The following TMOD1 variants were observed in gnomAD, a reference collection of about 807,000 sequenced individuals.
The protein encoded by TMOD1 is tropomodulin 1.
TMOD1 carries 17 observed loss-of-function variants against 40.6 expected under a neutral mutation model. That is an observed-to-expected ratio of 0.42 (90% CI 0.29 to 0.63). TMOD1 has a LOEUF of 0.63. Among genes scored for constraint, TMOD1 ranks in the 20% least tolerant of loss-of-function variants. The pLI is 0.22. For synonymous variants in TMOD1, 181 were observed against 175.0 expected, an observed-to-expected ratio of 1.03 and a Z score of -0.27; for missense variants, 391 against 447.6, an observed-to-expected ratio of 0.87 and a Z score of 1.14.
chr9:97,596,917 A>G (rs1481559769), intron 9 of TMOD1, among the ~76,000 whole-genome samples: 2 of 152,330 alleles, frequency 1.3e-5, no homozygotes, highest in African/African-American at 2.4e-5. Context: ...CTAATACTTC[A>G]TATTTCTCAA....
chr9:97,574,611 T>G (rs1830891269), intron 8 of TMOD1, among the ~76,000 whole-genome samples: 2 of 152,264 alleles, frequency 1.3e-5, no homozygotes, highest in Non-Finnish European at 2.9e-5. Context: ...CGGTGCAGGA[T>G]CCACTGGGTG....
intron 8 of TMOD1, among the ~76,000 whole-genome samples, chr9:97,575,958 A>G (rs1194830869): frequency 2.0e-5 from 3 of 152,186 alleles, no homozygotes; most frequent in Non-Finnish European, 4.4e-5. Flanking sequence ...CTTTCAACCT[A>G]GCAGTTTTGA....
At chr9:97,575,073 A>C (rs1035649546) in intron 8 of TMOD1, among the ~76,000 whole-genome samples, 1 of 152,216 alleles carries the variant, frequency 6.6e-6, no homozygotes, top group East Asian at 1.9e-4. Flanking sequence ...CGCACTGTGG[A>C]AACTTTGTTC....
intron 2 of TMOD1, among the ~76,000 whole-genome samples, chr9:97,541,524 A>ATTTT (rs112157641): frequency 5.8e-5 from 8 of 138,730 alleles, no homozygotes; most frequent in Non-Finnish European, 1.1e-4. Context: ...TTTATTTTTT[A>ATTTT]TTTTTTTTTT....
At chr9:97,519,354 G>A (rs1157545666) in intron 1 of TMOD1, among the ~76,000 whole-genome samples, 1 of 152,192 alleles carries the variant, frequency 6.6e-6, no homozygotes, top group Non-Finnish European at 1.5e-5. Flanking sequence ...TAAGGCTTCT[G>A]CCACAGAGAA....
chr9:97,524,331 C>T (rs1295166177), intron 2 of TMOD1, 23 bp downstream of exon 2: 1 of 1,610,206 alleles, frequency 6.2e-7, no homozygotes, highest in Admixed American at 1.7e-5. Flanking sequence ...TAAAGGGAAG[C>T]ACATTGTCAC....
At chr9:97,558,372 C>G (rs1830565094) in intron 4 of TMOD1, among the ~76,000 whole-genome samples, 1 of 152,156 alleles carries the variant, frequency 6.6e-6, no homozygotes, top group Non-Finnish European at 1.5e-5. Flanking sequence ...CGAACCATTT[C>G]CCTCTTGAGC....
intron 8 of TMOD1, among the ~76,000 whole-genome samples, chr9:97,581,167 C>G (rs1334895137): frequency 7.8e-6 from 1 of 127,766 alleles, no homozygotes; most frequent in Non-Finnish European, 1.6e-5. Flanking sequence ...ACAACAGTCC[C>G]CAGAGTGTGA....
In TMOD1 at chr9:97,601,642, T is replaced by C. The variant is rs1249033015; in HGVS notation, c.*1944T>C. 2.1e-6 allele frequency: 2 copies of C among 938,004 alleles called. No individual in the cohort carries two copies. The highest frequency in any genetic ancestry group is 1.8e-5 in the African/African-American group (1 of 56,286). The allele number at this position is 938,004 out of a possible 1,614,324, so 58.1% of individuals were successfully genotyped here. On this transcript the variant is annotated 3_prime_UTR_variant, in exon 10 of 10. Coordinates refer to ENST00000259365, the MANE Select transcript of TMOD1 (RefSeq NM_003275.4). ...GCCAGACAGTAAAAATTTCCGATTTTGCAGGCCACATAGTGTCTGTTGCAA... is the reference window on the plus strand; with the variant it reads ...GCCAGACAGTAAAAATTTCCGATTTCGCAGGCCACATAGTGTCTGTTGCAA...
At position 97,557,916 on chromosome 9, in the gene TMOD1, C is replaced by T. The variant is rs1338677596; in HGVS notation, c.397+4516C>T. Among the ~76,000 whole-genome samples the T allele has an allele frequency of 6.6e-6, 1 of 151,908 alleles. No individual in the cohort carries two copies. The highest frequency in any genetic ancestry group is 1.5e-5 in the Non-Finnish European group (1 of 68,018). ...TTCCCCAGTGCTAAATTCAGCCTTG[C>T]CAATATCTACAAAGAATGAAGCAAC... On this transcript the variant is annotated intron_variant, in intron 4 of 9. Coordinates refer to ENST00000259365, the MANE Select transcript of TMOD1 (RefSeq NM_003275.4). This position sits in a 1 kb window ranked among gnomAD's most constrained non-coding sequence, Gnocchi z 4.4.
Position 97,588,135 on chromosome 9 carries a change from A to G in TMOD1, c.871-3156A>G, listed in dbSNP as rs192000193. On this transcript the variant is annotated intron_variant, in intron 8 of 9. Coordinates refer to ENST00000259365, the MANE Select transcript of TMOD1 (RefSeq NM_003275.4). ...CCCAAGAGTGGAATTGCTGGGTCAT[A>G]TGGTAGCTCTATGTTTAACTTTTTC... Among the ~76,000 whole-genome samples, 232 of 152,340 alleles carry G rather than the reference A, an allele frequency of 1.5e-3. 3 individuals are homozygous for G. Among genetic ancestry groups the G allele is most frequent in the African/African-American group, 5.1e-3 (211 of 41,558 alleles).
intron 2 of TMOD1, among the ~76,000 whole-genome samples, chr9:97,534,153 C>A (rs951570483): frequency 5.3e-5 from 8 of 152,196 alleles, no homozygotes; most frequent in Non-Finnish European, 1.2e-4. Context: ...ATGACTCAAC[C>A]TAGCTGCAAG....
chr9:97,562,709 G>A lies in TMOD1; in HGVS notation c.398-23G>A, dbSNP rs778263918. The A allele has an allele frequency of 3.3e-6, 5 of 1,510,060 alleles. No individual in the cohort carries two copies. In the East Asian group the frequency reaches 1.3e-4, roughly 40 times the overall value. 93.5% of individuals were successfully genotyped at this position (1,510,060 alleles called of 1,614,324 possible). On this transcript the variant is annotated intron_variant, in intron 4 of 9. Coordinates refer to ENST00000259365, the MANE Select transcript of TMOD1 (RefSeq NM_003275.4). ...TCTTCTGTCTGCAGAGGCACATCAT[G>A]AGCCCTTCCCTTGTCCCTGCAGCGA...
chr9:97,570,602 A>G (rs1225991312), intron 8 of TMOD1, among the ~76,000 whole-genome samples: 2 of 152,110 alleles, frequency 1.3e-5, no homozygotes, highest in Admixed American at 6.5e-5. Flanking sequence ...CCTCTGCCCA[A>G]AGAGAGTTAG....
chr9:97,527,253 AC>A (rs1830030167), intron 2 of TMOD1, among the ~76,000 whole-genome samples: 1 of 152,236 alleles, frequency 6.6e-6, no homozygotes, highest in Admixed American at 6.5e-5. Flanking sequence ...TAAAGGGAGA[AC>A]AAAAGAGGCA....
intron 7 of TMOD1, among the ~76,000 whole-genome samples, chr9:97,566,851 A>C (rs1008249429): frequency 2.9e-5 from 3 of 105,146 alleles, no homozygotes; most frequent in Admixed American, 1.2e-4. Context: ...ATGTATTGAG[A>C]GTCTCTCTGT....
At position 97,551,010 on chromosome 9, in the gene TMOD1, ATATATTTTTTTTTTTTT is replaced by A. The variant is rs1216612407; in HGVS notation, c.278-2269_278-2253del. On this transcript the variant is annotated intron_variant, in intron 3 of 9. Coordinates refer to ENST00000259365, the MANE Select transcript of TMOD1 (RefSeq NM_003275.4). ...AAGAATTTTATATATATATATATAT[ATATATTTTTTTTTTTTT>A]TTTTTTTTTTTTTTTAGATGGAGTC... 2.8e-3 allele frequency among the ~76,000 whole-genome samples: 117 copies of A among 42,226 alleles called. 1 individual carries two copies. The highest frequency in any genetic ancestry group is 0.019 in the African/African-American group (108 of 5,790). 27.7% of individuals were successfully genotyped at this position (42,226 alleles called of 152,430 possible). A position where few individuals can be genotyped will look rare whatever the true frequency, so the allele number is the denominator to read the frequency against.
chr9:97,519,618 G>A (rs1829883441), intron 1 of TMOD1, among the ~76,000 whole-genome samples: 1 of 152,122 alleles, frequency 6.6e-6, no homozygotes. Flanking sequence ...GGTAAAGATG[G>A]GAAAACAGAG....
intron 8 of TMOD1, among the ~76,000 whole-genome samples, chr9:97,572,786 G>C (rs1175800915): frequency 6.6e-6 from 1 of 152,172 alleles, no homozygotes; most frequent in African/African-American, 2.4e-5. Flanking sequence ...AGGGACTTGG[G>C]GAGTTCTGCC....
Sources: allele counts gnomAD v4.1 joint callset (sites outside exome capture counted in the v4.1 genomes callset), GRCh38; gene constraint gnomAD v4.1.1; non-coding constraint Gnocchi (gnomAD v3.1); transcripts MANE v1.5; gene names NCBI Gene and HGNC (gene_info 2026-07-23, HGNC 2026-07-21).